TBCD: variants seen among roughly 807,000 people sequenced by gnomAD.
The protein encoded by TBCD is tubulin folding cofactor D, also known as tubulin-specific chaperone D.
Under a neutral mutation model 169.3 loss-of-function variants are expected in TBCD, and 105 were observed. The observed-to-expected ratio is 0.62, with a 90% CI of 0.53 to 0.73. The LOEUF is 0.73. Ranked by LOEUF, TBCD falls within the 30% of genes least tolerant of loss-of-function variation. TBCD has a pLI of 0.00. For synonymous variants in TBCD, 700 were observed against 643.9 expected, an observed-to-expected ratio of 1.09 and a Z score of -1.32; for missense variants, 1,444 against 1,600.1, an observed-to-expected ratio of 0.90 and a Z score of 1.66.
At chr17:82,933,024 G>C (rs902836399) in intron 34 of TBCD, among the ~76,000 whole-genome samples, 3 of 152,116 alleles carry the variant, frequency 2.0e-5, no homozygotes, top group Non-Finnish European at 4.4e-5. Context: ...CACCGGGCCA[G>C]GGGTGGGCCT....
chr17:82,942,467 C>T lies in TBCD; in HGVS notation c.*4C>T. 4 of 1,613,988 alleles carry T rather than the reference C, an allele frequency of 2.5e-6. No homozygotes were observed. The highest frequency in any genetic ancestry group is 1.3e-5 in the African/African-American group (1 of 75,068). ...TCTTCAGCCTGGTGCCTGCTGAAGC[C>T]AGTCCTGGAGCCCATACCTCACCCC... On this transcript the variant is annotated 3_prime_UTR_variant, in exon 39 of 39. Transcript: ENST00000355528.
chr17:82,846,948 C>T (rs142779089), intron 13 of TBCD, among the ~76,000 whole-genome samples: 2,892 of 152,326 alleles, frequency 0.019, 52 homozygotes, highest in Non-Finnish European at 0.029. Flanking sequence ...GGTCCTCACC[C>T]GCCATGTGCC....
Position 82,930,385 on chromosome 17 carries a change from GCTTGGGGCCAGAC to G in TBCD, c.2992-133_2992-121del. 3 of 1,328,556 alleles carry G rather than the reference GCTTGGGGCCAGAC, an allele frequency of 2.3e-6. No individual in the cohort carries two copies. Among genetic ancestry groups the G allele is most frequent in the Non-Finnish European group, 3.0e-6 (3 of 997,910 alleles). 82.3% of individuals were successfully genotyped at this position (1,328,556 alleles called of 1,614,324 possible). ...CTCCGTGCTGGCGTCCGCACCAGCC[GCTTGGGGCCAGAC>G]CTTCGCGTCTCTGCAGCTCGGAGCA... On this transcript the variant is annotated intron_variant, in intron 32 of 38. Coordinates refer to ENST00000355528, the MANE Select transcript of TBCD (RefSeq NM_005993.5). This position sits in a 1 kb window ranked among gnomAD's most constrained non-coding sequence, Gnocchi z 5.2.
chr17:82,823,861 G>T (rs959046940), intron 13 of TBCD, among the ~76,000 whole-genome samples: 3 of 151,874 alleles, frequency 2.0e-5, no homozygotes, highest in African/African-American at 4.8e-5. Flanking sequence ...TCTCACTTTT[G>T]TACAACCATC....
chr17:82,816,217 C>T (rs1377079520), intron 13 of TBCD, among the ~76,000 whole-genome samples: 1 of 152,010 alleles, frequency 6.6e-6, no homozygotes, highest in Non-Finnish European at 1.5e-5. Flanking sequence ...TGTGGAGTGC[C>T]TCCTTCCTTC....
chr17:82,909,156 A>G (rs1381755695), intron 21 of TBCD, 129 bp from the exon 22 acceptor site: 1 of 690,306 alleles, frequency 1.4e-6, no homozygotes, highest in Non-Finnish European at 2.4e-6. Flanking sequence ...TCAGCCCCCT[A>G]GGCGGCTCTC....
chr17:82,859,680 G>C (rs1203153035), intron 13 of TBCD: 7 of 985,346 alleles, frequency 7.1e-6, no homozygotes, highest in Non-Finnish European at 8.4e-6. Flanking sequence ...GACCAGCAGA[G>C]GCTGGAGGCC....
Position 82,911,754 on chromosome 17 carries a change from T to C in TBCD, c.2007-4T>C, listed in dbSNP as rs1599478275. The C allele has an allele frequency of 6.2e-7, 1 of 1,613,892 alleles. No individual in the cohort carries two copies. Among genetic ancestry groups the C allele is most frequent in the Non-Finnish European group, 8.5e-7 (1 of 1,179,844 alleles). ...CTAATTCTGATGTTTTCATTCCTTTTCAGGGGTCTGGGAGGACAGCTCATG... is the reference window on the plus strand; with the variant it reads ...CTAATTCTGATGTTTTCATTCCTTTCCAGGGGTCTGGGAGGACAGCTCATG... On this transcript the variant is annotated splice_region_variant and splice_polypyrimidine_tract_variant and intron_variant, in intron 22 of 38. Transcript: ENST00000355528.
At chr17:82,942,345 A>G in intron 38 of TBCD, 104 bp from the exon 39 acceptor site, 1 of 1,534,598 alleles carries the variant, frequency 6.5e-7, no homozygotes. Context: ...TCCTGCAGGA[A>G]CCGTGTCAGT....
intron 17 of TBCD, among the ~76,000 whole-genome samples, chr17:82,900,348 T>G (rs1416697136): frequency 6.6e-6 from 1 of 152,208 alleles, no homozygotes; most frequent in Non-Finnish European, 1.5e-5. Flanking sequence ...AGATTGTGTG[T>G]GTTGTTGCTG....
At chr17:82,754,912 A>T (rs12453281) in intron 1 of TBCD, among the ~76,000 whole-genome samples, 1 of 152,254 alleles carries the variant, frequency 6.6e-6, no homozygotes, top group Non-Finnish European at 1.5e-5. Context: ...GGATATGTCA[A>T]CCAAAAAGTA....
At position 82,925,966 on chromosome 17, in the gene TBCD, G is replaced by A. The variant is rs529879172; in HGVS notation, c.2380-434G>A. ...TCCTTCCTGGGTTGTACTGGGGGCC[G>A]TGGAGAGGCTGGAGGTGACCTCTCC... On this transcript the variant is annotated intron_variant, in intron 27 of 38. Coordinates refer to ENST00000355528, the MANE Select transcript of TBCD (RefSeq NM_005993.5). Among the ~76,000 whole-genome samples the A allele has an allele frequency of 1.5e-3, 163 of 105,350 alleles. 24 individuals carry two copies. Among genetic ancestry groups the A allele is most frequent in the African/African-American group, 5.8e-3 (149 of 25,614 alleles). The allele number at this position is 105,350 out of a possible 152,430, so 69.1% of individuals were successfully genotyped here. A position where few individuals can be genotyped will look rare whatever the true frequency, so the allele number is the denominator to read the frequency against.
At chr17:82,850,226 G>A (rs2055629706) in intron 13 of TBCD, among the ~76,000 whole-genome samples, 1 of 142,430 alleles carries the variant, frequency 7.0e-6, no homozygotes. Flanking sequence ...TGCTGCTGTT[G>A]GCTGTGCTGC....
intron 13 of TBCD, among the ~76,000 whole-genome samples, chr17:82,826,068 C>T (rs1598737219): frequency 1.3e-5 from 2 of 152,156 alleles, no homozygotes; most frequent in Non-Finnish European, 1.5e-5. Context: ...AGCATTTTAC[C>T]CTAATGTAAT....
At chr17:82,764,165 GAC>G (rs1458951502) in intron 3 of TBCD, 103 bp downstream of exon 3, 1 of 922,520 alleles carries the variant, frequency 1.1e-6, no homozygotes, top group African/African-American at 1.7e-5. Flanking sequence ...ATAGTTCTTA[GAC>G]ACAAGTTGTG....
chr17:82,765,922 T>C (rs1568100598), intron 3 of TBCD, among the ~76,000 whole-genome samples: 1 of 152,084 alleles, frequency 6.6e-6, no homozygotes, highest in Non-Finnish European at 1.5e-5. Context: ...CTCAAATGAT[T>C]CTCCCTCCTG....
intron 2 of TBCD, among the ~76,000 whole-genome samples, chr17:82,762,771 C>A (rs542062183): frequency 1.3e-5 from 2 of 151,958 alleles, no homozygotes; most frequent in South Asian, 2.1e-4. Context: ...AAGTGTGTGA[C>A]TCATCACCTG....
chr17:82,760,250 C>T (rs563566386), intron 2 of TBCD, among the ~76,000 whole-genome samples: 5 of 152,128 alleles, frequency 3.3e-5, no homozygotes, highest in African/African-American at 4.8e-5. Flanking sequence ...TTTTGTAGCC[C>T]GTTCATTAAT....
At chr17:82,790,106 T>G (rs2049597903) in intron 7 of TBCD, among the ~76,000 whole-genome samples, 1 of 152,094 alleles carries the variant, frequency 6.6e-6, no homozygotes, top group Non-Finnish European at 1.5e-5. Context: ...GCTCTGTGCT[T>G]CACGTCATCC....
Sources: allele counts gnomAD v4.1 joint callset (sites outside exome capture counted in the v4.1 genomes callset), GRCh38; gene constraint gnomAD v4.1.1; non-coding constraint Gnocchi (gnomAD v3.1); transcripts MANE v1.5; gene names NCBI Gene and HGNC (gene_info 2026-07-23, HGNC 2026-07-21).